NAALADL2: variants seen among roughly 807,000 people sequenced by gnomAD.
NAALADL2 encodes the protein inactive N-acetylated-alpha-linked acidic dipeptidase-like protein 2.
NAALADL2 carries 76 observed loss-of-function variants against 87.2 expected under a neutral mutation model. The observed-to-expected ratio is 0.87, with a 90% CI of 0.72 to 1.05. The LOEUF is 1.05. Ranked by LOEUF, NAALADL2 falls within the 50% of genes least tolerant of loss-of-function variation. NAALADL2 has a pLI of 0.00. For missense variants in NAALADL2, 1,089 were observed against 945.8 expected, an observed-to-expected ratio of 1.15 and a Z score of -1.99; for synonymous variants, 354 against 331.0, an observed-to-expected ratio of 1.07 and a Z score of -0.75.
chr3:174,521,586 A>G (rs1720296040), intron 1 of NAALADL2, among the ~76,000 whole-genome samples: 1 of 150,980 alleles, frequency 6.6e-6, no homozygotes, highest in South Asian at 2.1e-4. Flanking sequence ...AAAAAAAAAA[A>G]AAAAAAAAAA....
At chr3:175,105,637 AC>A (rs1172891882) in intron 2 of NAALADL2, among the ~76,000 whole-genome samples, 3 of 74,096 alleles carry the variant, frequency 4.0e-5, no homozygotes, top group African/African-American at 1.7e-4. Context: ...TTGAGAATAC[AC>A]ACAGACACAC....
intron 13 of NAALADL2, among the ~76,000 whole-genome samples, chr3:175,789,329 A>G (rs542707872): frequency 2.4e-4 from 37 of 152,278 alleles, no homozygotes; most frequent in South Asian, 1.0e-3. Context: ...CTTTATTTGT[A>G]TTAAAATGTA....
chr3:175,740,543 A>C (rs1186028273), intron 12 of NAALADL2, among the ~76,000 whole-genome samples: 1 of 152,222 alleles, frequency 6.6e-6, no homozygotes, highest in Admixed American at 6.5e-5. Context: ...CAACAGACCC[A>C]GACTTGGGAG....
chr3:175,578,088 G>A (rs1181774819), intron 10 of NAALADL2, among the ~76,000 whole-genome samples: 2 of 150,900 alleles, frequency 1.3e-5, no homozygotes, highest in African/African-American at 2.4e-5. Flanking sequence ...AGTTACATTG[G>A]TTTCTGGGCT....
intron 2 of NAALADL2, among the ~76,000 whole-genome samples, chr3:175,159,302 A>G (rs1487158564): frequency 1.3e-5 from 2 of 152,200 alleles, no homozygotes; most frequent in East Asian, 3.9e-4. Flanking sequence ...CAAAACTACA[A>G]GGACCAACTT....
At chr3:175,733,618 C>T (rs1185640406) in intron 11 of NAALADL2, among the ~76,000 whole-genome samples, 1 of 152,170 alleles carries the variant, frequency 6.6e-6, no homozygotes, top group East Asian at 1.9e-4. Context: ...CCAAACATGC[C>T]TTCCCAACAG....
intron 2 of NAALADL2, among the ~76,000 whole-genome samples, chr3:175,107,730 TTATTA>T (rs1200600509): frequency 4.6e-5 from 7 of 151,528 alleles, no homozygotes; most frequent in South Asian, 4.2e-4. Context: ...CCAATGTTCA[TTATTA>T]TATTTATTTC....
chr3:175,251,151 A>G (rs947193513), intron 3 of NAALADL2, among the ~76,000 whole-genome samples: 1 of 152,238 alleles, frequency 6.6e-6, no homozygotes, highest in African/African-American at 2.4e-5. Flanking sequence ...TTAACTTTTT[A>G]AAGTGTGGAA....
At chr3:174,852,080 TA>T (rs1444355109) in intron 3 of NAALADL2, among the ~76,000 whole-genome samples, 2 of 151,968 alleles carry the variant, frequency 1.3e-5, no homozygotes, top group African/African-American at 4.8e-5. Flanking sequence ...ACCAACCTGA[TA>T]ACTACCTTAC....
intron 2 of NAALADL2, among the ~76,000 whole-genome samples, chr3:174,628,156 G>A (rs1386956659): frequency 6.6e-6 from 1 of 152,154 alleles, no homozygotes; most frequent in African/African-American, 2.4e-5. Context: ...GAAGATACAA[G>A]TCATAGAGTG....
At chr3:175,719,883 G>A (rs1039878655) in intron 11 of NAALADL2, among the ~76,000 whole-genome samples, 5 of 152,176 alleles carry the variant, frequency 3.3e-5, no homozygotes, top group East Asian at 3.9e-4. Flanking sequence ...CACAGAAGGT[G>A]CCTTTGCACA....
chr3:174,784,254 T>G (rs1366379958), intron 3 of NAALADL2, among the ~76,000 whole-genome samples: 1 of 152,172 alleles, frequency 6.6e-6, no homozygotes, highest in Non-Finnish European at 1.5e-5. Context: ...TTGGCTTTTT[T>G]GGAAGTTAGG....
intron 4 of NAALADL2, among the ~76,000 whole-genome samples, chr3:175,268,824 G>T (rs1752364795): frequency 6.6e-6 from 1 of 152,058 alleles, no homozygotes; most frequent in African/African-American, 2.4e-5. Flanking sequence ...TTGTCCCACT[G>T]GAAGTTTTTC....
chr3:175,187,705 C>A (rs571357649), intron 2 of NAALADL2, among the ~76,000 whole-genome samples: 5 of 152,102 alleles, frequency 3.3e-5, no homozygotes, highest in South Asian at 4.1e-4. Flanking sequence ...CTTGGTTTGA[C>A]TATCCCATTA....
intron 1 of NAALADL2, among the ~76,000 whole-genome samples, chr3:175,060,732 C>T (rs1713266727): frequency 1.3e-5 from 2 of 152,136 alleles, no homozygotes; most frequent in Non-Finnish European, 2.9e-5. Flanking sequence ...GTGTGGACCA[C>T]AAGCTGACTG....
chr3:175,696,379 G>C (rs1000661946), intron 11 of NAALADL2, among the ~76,000 whole-genome samples: 1 of 152,096 alleles, frequency 6.6e-6, no homozygotes, highest in Non-Finnish European at 1.5e-5. Context: ...AACTTCAGGA[G>C]AGAAAGATTT....
rs529460805 is a variant in NAALADL2, at chr3:175,810,171, G to A, written c.*6968G>A. The A allele has an allele frequency of 6.6e-6, 1 of 152,014 alleles. No individual in the cohort carries two copies. Among genetic ancestry groups the A allele is most frequent in the South Asian group, 2.1e-4 (1 of 4,828 alleles). The allele number at this position is 152,014 out of a possible 1,614,324, so 9.4% of individuals were successfully genotyped here. A position where few individuals can be genotyped will look rare whatever the true frequency, so the allele number is the denominator to read the frequency against. ...TCGGTAGTTTTTAAATTACTATATA[G>A]GGTTGAATGTCTAATTTCTATAATG... On this transcript the variant is annotated 3_prime_UTR_variant, in exon 14 of 14. Transcript: ENST00000454872.
At chr3:175,797,569 C>T (rs769748693) in intron 13 of NAALADL2, among the ~76,000 whole-genome samples, 14 of 152,028 alleles carry the variant, frequency 9.2e-5, no homozygotes, top group Non-Finnish European at 1.9e-4. Flanking sequence ...AATATATTCT[C>T]ACTTTCTTTC....
intron 9 of NAALADL2, among the ~76,000 whole-genome samples, chr3:175,487,137 T>C (rs1395365453): frequency 6.6e-6 from 1 of 152,158 alleles, no homozygotes; most frequent in Non-Finnish European, 1.5e-5. Context: ...CTTACTTGAC[T>C]GACCCTATCT....
Sources: allele counts gnomAD v4.1 joint callset (sites outside exome capture counted in the v4.1 genomes callset), GRCh38; gene constraint gnomAD v4.1.1; transcripts MANE v1.5; gene names NCBI Gene and HGNC (gene_info 2026-07-23, HGNC 2026-07-21).